Variants in TMEM135 observed in about 807,000 individuals in gnomAD.
TMEM135 encodes peroxisomal membrane protein 52.
Under a neutral mutation model 60.3 loss-of-function variants are expected in TMEM135, and 30 were observed. That is an observed-to-expected ratio of 0.50 (90% CI 0.37 to 0.68). TMEM135 has a LOEUF of 0.68. Ranked by LOEUF, TMEM135 falls within the 30% of genes least tolerant of loss-of-function variation. The probability of loss-of-function intolerance (pLI) is 0.00; values close to 1 mark genes in which losing one functional copy is unlikely to be tolerated. For synonymous variants in TMEM135, 190 were observed against 186.7 expected (o/e 1.02, Z -0.14); for missense variants, 468 against 548.8 (o/e 0.85, Z 1.47).
intron 10 of TMEM135, among the ~76,000 whole-genome samples, chr11:87,312,281 G>T (rs973477188): frequency 1.3e-5 from 2 of 149,694 alleles, no homozygotes; most frequent in African/African-American, 4.9e-5. Context: ...TTTAGTGGCT[G>T]CCTTAACATT....
At chr11:87,251,417 C>G (rs1941413465) in intron 6 of TMEM135, among the ~76,000 whole-genome samples, 1 of 152,096 alleles carries the variant, frequency 6.6e-6, no homozygotes, top group African/African-American at 2.4e-5. Context: ...TTAGCTGTCA[C>G]ACTAGCTGTC....
chr11:87,281,591 A>G (rs945192787), intron 6 of TMEM135, among the ~76,000 whole-genome samples: 5 of 152,250 alleles, frequency 3.3e-5, no homozygotes, highest in African/African-American at 1.2e-4. Flanking sequence ...AATACAGTTG[A>G]TCTTCAACAA....
Position 87,178,385 on chromosome 11 carries a change from T to C in TMEM135, c.462+20979T>C, listed in dbSNP as rs1591081014. 5 of 456,058 alleles carry C rather than the reference T, an allele frequency of 1.1e-5. No homozygotes were observed. In the East Asian group the frequency reaches 3.5e-4, roughly 32 times the overall value. 28.3% of individuals were successfully genotyped at this position (456,058 alleles called of 1,614,324 possible). ...TCTTTTTCTGAAAATTTTATATACA[T>C]GTAATTATACAATATATGCCCTTTT... On this transcript the variant is annotated intron_variant, in intron 5 of 14. Transcript: ENST00000305494.
intron 1 of TMEM135, among the ~76,000 whole-genome samples, chr11:87,064,528 C>T (rs1459984259): frequency 6.6e-6 from 1 of 152,122 alleles, no homozygotes; most frequent in East Asian, 1.9e-4. Context: ...TCCACTTACC[C>T]ACTCCCCCTT....
At chr11:87,073,769 G>A (rs747400900) in intron 3 of TMEM135, among the ~76,000 whole-genome samples, 5 of 151,732 alleles carry the variant, frequency 3.3e-5, no homozygotes, top group Non-Finnish European at 7.4e-5. Context: ...CCAGGTTCAA[G>A]CGATTCTCCT....
intron 5 of TMEM135, among the ~76,000 whole-genome samples, chr11:87,197,576 C>A (rs1939989701): frequency 6.6e-6 from 1 of 150,918 alleles, no homozygotes; most frequent in East Asian, 1.9e-4. Context: ...ATGGGACTTT[C>A]CAATTCTGTT....
intron 2 of TMEM135, among the ~76,000 whole-genome samples, chr11:87,068,068 A>G (rs1269443150): frequency 6.6e-6 from 1 of 152,174 alleles, no homozygotes; most frequent in Non-Finnish European, 1.5e-5. Flanking sequence ...GATGTTATAC[A>G]TATTCTGAGG....
intron 5 of TMEM135, among the ~76,000 whole-genome samples, chr11:87,203,496 G>A (rs1940167062): frequency 6.6e-6 from 1 of 152,084 alleles, no homozygotes; most frequent in Non-Finnish European, 1.5e-5. Flanking sequence ...CTTGGCAATA[G>A]GCATTTCAGC....
intron 4 of TMEM135, among the ~76,000 whole-genome samples, chr11:87,139,072 T>TCCAC (rs1938192877): frequency 6.6e-6 from 1 of 152,206 alleles, no homozygotes; most frequent in Non-Finnish European, 1.5e-5. Context: ...CCACCTCTGC[T>TCCAC]CCCAGTTTCT....
rs1260941412 is a variant in TMEM135, at chr11:87,309,506, G to A, written c.770G>A (p.Gly257Asp). 6.2e-7 allele frequency: 1 copy of A among 1,613,548 alleles called. No individual in the cohort carries two copies. The highest frequency in any genetic ancestry group is 2.2e-5 in the East Asian group (1 of 44,846). Residue 257 changes from glycine (G) to aspartate (D), a missense_variant and splice_region_variant, in exon 10 of 15, where the codon GGT becomes GAT. Gly to Asp is a moderately conservative substitution (Grantham distance 94). Transcript: ENST00000305494. ...EDNCISYCIK[G>D]FIRMFSVGYL... The stretch of plus-strand genomic sequence containing the variant: ...GGTTTTTCTCCAAATTTCCTCTAGG[G>A]TTTCATCAGAATGTTTAGCGTGGGG...
chr11:87,054,896 G>A (rs1264126478), intron 1 of TMEM135, among the ~76,000 whole-genome samples: 3 of 152,120 alleles, frequency 2.0e-5, no homozygotes, highest in African/African-American at 7.2e-5. Context: ...TGCATTTGGA[G>A]TGTAGTATAA....
At chr11:87,144,057 T>C (rs1938338534) in intron 4 of TMEM135, among the ~76,000 whole-genome samples, 1 of 152,188 alleles carries the variant, frequency 6.6e-6, no homozygotes, top group Non-Finnish European at 1.5e-5. Context: ...CATTATTAGA[T>C]GTTCCTGATA....
chr11:87,292,846 G>A (rs554055919), intron 6 of TMEM135, among the ~76,000 whole-genome samples: 38 of 152,218 alleles, frequency 2.5e-4, no homozygotes, highest in African/African-American at 8.9e-4. Flanking sequence ...TAATGAAATT[G>A]CAAATTCATT....
chr11:87,266,844 C>T (rs562980845), intron 6 of TMEM135, among the ~76,000 whole-genome samples: 1 of 152,300 alleles, frequency 6.6e-6, no homozygotes, highest in South Asian at 2.1e-4. Context: ...ACAGGTTTAC[C>T]TGGGCTGTAT....
At chr11:87,300,813 A>C (rs1942432747) in intron 7 of TMEM135, among the ~76,000 whole-genome samples, 1 of 152,220 alleles carries the variant, frequency 6.6e-6, no homozygotes, top group Admixed American at 6.5e-5. Flanking sequence ...CTGTACTGGC[A>C]GTTCATTGGG....
intron 6 of TMEM135, among the ~76,000 whole-genome samples, chr11:87,237,634 T>C (rs1941029725): frequency 6.6e-6 from 1 of 151,978 alleles, no homozygotes; most frequent in South Asian, 2.1e-4. Context: ...GATACAGGGA[T>C]ATGATGAATA....
chr11:87,072,626 C>G (rs2512397), intron 3 of TMEM135, among the ~76,000 whole-genome samples: 48,415 of 151,902 alleles, frequency 0.32, 9,010 homozygotes, highest in East Asian at 0.59. Context: ...TGTGATCCGC[C>G]CGCCTTGGCC....
In TMEM135 at chr11:87,326,829, T is replaced by G. The variant is rs2134551342; in HGVS notation, c.*5496T>G. On this transcript the variant is annotated 3_prime_UTR_variant, in exon 15 of 15. Transcript: ENST00000305494. ...TTGATAGCCTGTCACTGCTCAGGGA[T>G]AGCACTAAGGCTCTCTTCAGAACCA... is the stretch of plus-strand genomic sequence containing the variant. 1 of 450,074 alleles carries G rather than the reference T, an allele frequency of 2.2e-6. No individual in the cohort carries two copies. Among genetic ancestry groups the G allele is most frequent in the Admixed American group, 2.4e-5 (1 of 41,758 alleles). The allele number at this position is 450,074 out of a possible 1,614,324, so 27.9% of individuals were successfully genotyped here. A position where few individuals can be genotyped will look rare whatever the true frequency, so the allele number is the denominator to read the frequency against.
chr11:87,214,409 G>C (rs1444830007), intron 5 of TMEM135, among the ~76,000 whole-genome samples: 1 of 152,138 alleles, frequency 6.6e-6, no homozygotes, highest in Non-Finnish European at 1.5e-5. Context: ...CAAGAGAAGT[G>C]AATGGCAGGA....
Sources: gnomAD v4.1 joint callset for allele counts (sites outside exome capture counted in the v4.1 genomes callset) on GRCh38, gnomAD v4.1.1 for gene constraint, MANE v1.5 for transcripts, NCBI Gene and HGNC (gene_info 2026-07-23, HGNC 2026-07-21) for gene names.